Variants in CYB5R4 observed in about 807,000 individuals in gnomAD.
CYB5R4 encodes cytochrome b5 reductase 4.
A neutral mutation model predicts 70.2 loss-of-function variants in CYB5R4; 55 were observed. The ratio of observed to expected loss-of-function variants is 0.78; its 90% CI spans 0.63 to 0.98. CYB5R4 has a LOEUF of 0.98. Among genes scored for constraint, CYB5R4 ranks in the 50% least tolerant of loss-of-function variants. The probability of loss-of-function intolerance (pLI) is 0.00; values close to 1 mark genes in which losing one functional copy is unlikely to be tolerated. For missense variants in CYB5R4, 562 were observed against 612.6 expected, an observed-to-expected ratio of 0.92 and a Z score of 0.87; for synonymous variants, 197 against 199.5, an observed-to-expected ratio of 0.99 and a Z score of 0.11.
chr6:83,956,569 C>T (rs1278448796), intron 15 of CYB5R4, among the ~76,000 whole-genome samples: 4 of 152,088 alleles, frequency 2.6e-5, no homozygotes, highest in African/African-American at 9.7e-5. Context: ...ACAATGTTTC[C>T]TGTTCAGACC....
chr6:83,859,831 C>T lies in CYB5R4; in HGVS notation c.49C>T (p.Arg17Cys), dbSNP rs751633744. ...TTTCCCGGCCCCCAGGTCGCAGCAG[C>T]GTGTCGCCTCCGGGGGGCGTAGCAA... Reference protein sequence around the residue: ...QSFPAPRSQQRVASGGRSKVP... With the variant: ...QSFPAPRSQQCVASGGRSKVP... Residue 17 changes from arginine (R) to cysteine (C), a missense_variant, in exon 1 of 16, where the codon CGT becomes TGT. Transcript: ENST00000369681. 5.6e-6 allele frequency: 9 copies of T among 1,613,398 alleles called. No individual in the cohort carries two copies. Among genetic ancestry groups the T allele is most frequent in the Non-Finnish European group, 7.6e-6 (9 of 1,179,862 alleles).
chr6:83,910,199 G>A (rs2099464456), intron 4 of CYB5R4: 1 of 1,470,660 alleles, frequency 6.8e-7, no homozygotes. Flanking sequence ...TATTGAATGG[G>A]CTGCCTGCCA....
intron 12 of CYB5R4, among the ~76,000 whole-genome samples, chr6:83,939,554 T>A (rs13191831): frequency 0.044 from 6,695 of 152,282 alleles, 153 homozygotes; most frequent in African/African-American, 0.05. Flanking sequence ...AACATAAGAT[T>A]TTAGAATGCA....
At chr6:83,859,984 C>T (rs912059224) in intron 1 of CYB5R4, 127 bp downstream of exon 1, 2 of 852,000 alleles carry the variant, frequency 2.3e-6, no homozygotes, top group Admixed American at 2.9e-5. Context: ...GCTGTCCTTG[C>T]CTGCAACCTC....
At chr6:83,941,020 T>G (rs145306780) in intron 14 of CYB5R4, among the ~76,000 whole-genome samples, 1 of 152,328 alleles carries the variant, frequency 6.6e-6, no homozygotes, top group African/African-American at 2.4e-5. Flanking sequence ...GTTAGTATCC[T>G]TTGTGACTTT....
rs2099473604 is a variant in CYB5R4 at position 83,963,258 on chromosome 6, G to A, written c.*3380G>A. ...TGTCTAGATAGGGGCCCTTGCTATGGGCCCTCAGTTTTTACCTTAATGTAA... is the reference window on the plus strand; with the variant it reads ...TGTCTAGATAGGGGCCCTTGCTATGAGCCCTCAGTTTTTACCTTAATGTAA... On this transcript the variant is annotated 3_prime_UTR_variant, in exon 16 of 16. Transcript: ENST00000369681. The A allele has an allele frequency of 6.6e-6, 1 of 152,210 alleles. No individual in the cohort carries two copies. Among genetic ancestry groups the A allele is most frequent in the Admixed American group, 6.5e-5 (1 of 15,280 alleles). The allele number at this position is 152,210 out of a possible 1,614,324, so 9.4% of individuals were successfully genotyped here.
At chr6:83,924,042 C>A (rs890020117) in intron 9 of CYB5R4, among the ~76,000 whole-genome samples, 2 of 135,212 alleles carry the variant, frequency 1.5e-5, no homozygotes, top group East Asian at 4.2e-4. Context: ...TGCCCTCCAG[C>A]CTGGGTGACA....
At chr6:83,879,217 C>T (rs1440725843) in intron 2 of CYB5R4, among the ~76,000 whole-genome samples, 1 of 151,874 alleles carries the variant, frequency 6.6e-6, no homozygotes, top group South Asian at 2.1e-4. Context: ...GAGCCTCTTC[C>T]CTTTGTGGCA....
intron 14 of CYB5R4, among the ~76,000 whole-genome samples, chr6:83,942,441 C>A (rs115645709): frequency 0.047 from 7,154 of 152,312 alleles, 530 homozygotes; most frequent in African/African-American, 0.16. Context: ...CCAGATACTA[C>A]GCTTTTTCCA....
chr6:83,871,675 T>G (rs1384423378), intron 2 of CYB5R4, among the ~76,000 whole-genome samples: 1 of 152,166 alleles, frequency 6.6e-6, no homozygotes, highest in African/African-American at 2.4e-5. Context: ...AAAAAGGATA[T>G]AGGGCTATTT....
chr6:83,943,815 C>G (rs1354525224), intron 14 of CYB5R4, among the ~76,000 whole-genome samples: 1 of 151,778 alleles, frequency 6.6e-6, no homozygotes, highest in Non-Finnish European at 1.5e-5. Flanking sequence ...GAAGCATACA[C>G]AAGTATCCAT....
At chr6:83,866,956 T>C (rs2099456826) in intron 2 of CYB5R4, among the ~76,000 whole-genome samples, 1 of 152,190 alleles carries the variant, frequency 6.6e-6, no homozygotes, top group Admixed American at 6.5e-5. Context: ...GAACATGTTC[T>C]ACTCTATCTA....
intron 14 of CYB5R4, among the ~76,000 whole-genome samples, chr6:83,944,445 TGAAAAA>T (rs1225140578): frequency 6.6e-6 from 1 of 151,712 alleles, no homozygotes; most frequent in African/African-American, 2.4e-5. Context: ...GTACTAAATA[TGAAAAA>T]GAAAAACTGG....
At chr6:83,925,655 T>C (rs1489666402) in intron 10 of CYB5R4, among the ~76,000 whole-genome samples, 1 of 152,190 alleles carries the variant, frequency 6.6e-6, no homozygotes, top group African/African-American at 2.4e-5. Context: ...TGGATGATTT[T>C]TCATCCTTCA....
intron 2 of CYB5R4, among the ~76,000 whole-genome samples, chr6:83,874,334 G>GTT (rs1203357397): frequency 6.6e-6 from 1 of 150,868 alleles, no homozygotes; most frequent in Non-Finnish European, 1.5e-5. Flanking sequence ...GGAACTACAG[G>GTT]TGTGCACCAA....
At chr6:83,896,323 C>G (rs567091906) in intron 3 of CYB5R4, among the ~76,000 whole-genome samples, 15 of 152,318 alleles carry the variant, frequency 9.8e-5, no homozygotes, top group Non-Finnish European at 2.2e-4. Context: ...CTGCAACTCT[C>G]AGTGGCTCAC....
chr6:83,918,448 T>G (rs1419447408), intron 6 of CYB5R4, among the ~76,000 whole-genome samples: 1 of 152,068 alleles, frequency 6.6e-6, no homozygotes, highest in Non-Finnish European at 1.5e-5. Flanking sequence ...CCAGTTAGAT[T>G]AATATAATAC....
At chr6:83,886,356 T>C (rs1293863482) in intron 2 of CYB5R4, among the ~76,000 whole-genome samples, 6 of 152,166 alleles carry the variant, frequency 3.9e-5, no homozygotes, top group Non-Finnish European at 8.8e-5. Flanking sequence ...GGGACAAATA[T>C]TTAAACAATA....
chr6:83,907,565 A>G (rs993103588), intron 3 of CYB5R4, among the ~76,000 whole-genome samples: 2 of 151,998 alleles, frequency 1.3e-5, no homozygotes, highest in South Asian at 2.1e-4. Flanking sequence ...TTCATTGTAC[A>G]GATTATTTCA....
Sources: allele counts gnomAD v4.1 joint callset (sites outside exome capture counted in the v4.1 genomes callset), GRCh38; gene constraint gnomAD v4.1.1; transcripts MANE v1.5; gene names NCBI Gene and HGNC (gene_info 2026-07-23, HGNC 2026-07-21).